Variants in RPH3A observed in about 807,000 individuals in gnomAD.
RPH3A encodes rabphilin-3A.
RPH3A carries 48 observed loss-of-function variants against 102.2 expected under a neutral mutation model. That is an observed-to-expected ratio of 0.47 (90% CI 0.37 to 0.60). The LOEUF (loss-of-function observed/expected upper bound fraction) is 0.60, where lower values mean the gene tolerates loss of function less well. Ranked by LOEUF, RPH3A falls within the 20% of genes least tolerant of loss-of-function variation. The pLI is 0.00. For synonymous variants in RPH3A, 310 were observed against 324.3 expected (o/e 0.96, Z 0.47); for missense variants, 781 against 910.1 (o/e 0.86, Z 1.83).
chr12:112,730,196 T>A (rs377316074), intron 1 of RPH3A, among the ~76,000 whole-genome samples: 21 of 152,316 alleles, frequency 1.4e-4, no homozygotes, highest in African/African-American at 5.1e-4. Context: ...AGCTTCCGAC[T>A]GTGAGACAGT....
rs748210594 is a variant in RPH3A at position 112,875,112 on chromosome 12, C to T, written c.825C>T (p.Ala275=). 32 of 1,610,290 alleles carry T rather than the reference C, an allele frequency of 2.0e-5. No homozygotes were observed. In the East Asian group the frequency reaches 2.5e-4, roughly 12 times the overall value. The change falls in exon 11 of 22, where the codon GCC becomes GCT. Residue 275 remains alanine, a synonymous_variant. Transcript: ENST00000389385. ...AGLRRANSVQ[A]SRPAPGSVQS... ...TGAGACGGGCCAACTCAGTCCAGGC[C>T]TCCAGACCTGCCCCAGGCTCGGTGC...
Position 112,885,659 on chromosome 12 carries a change from A to G in RPH3A, c.1437-2138A>G, listed in dbSNP as rs1593128412. Among the ~76,000 whole-genome samples the G allele has an allele frequency of 2.0e-5, 3 of 152,350 alleles. No homozygotes were observed. The South Asian group carries it at 6.2e-4, about 32-fold the overall frequency. ...CATGAGGTATATAGGATAATTTGAT[A>G]CAGGTATACAGTGTGTAATAATCGC... On this transcript the variant is annotated intron_variant, in intron 16 of 21. Transcript: ENST00000389385.
chr12:112,841,290 A>G (rs941964694), intron 4 of RPH3A, among the ~76,000 whole-genome samples: 8 of 151,590 alleles, frequency 5.3e-5, no homozygotes, highest in Admixed American at 5.3e-4. Context: ...AGAGCCACGG[A>G]TAGTTAAGAT....
intron 1 of RPH3A, among the ~76,000 whole-genome samples, chr12:112,620,048 C>A (rs2039711446): frequency 6.6e-6 from 1 of 152,212 alleles, no homozygotes; most frequent in Non-Finnish European, 1.5e-5. Context: ...TTCTTCACCT[C>A]CAGACTTTGC....
chr12:112,826,935 G>C (rs1373730043), intron 2 of RPH3A, among the ~76,000 whole-genome samples: 2 of 151,946 alleles, frequency 1.3e-5, no homozygotes, highest in African/African-American at 4.8e-5. Flanking sequence ...CTTTTTTCTT[G>C]GGTGTATACC....
Position 112,862,701 on chromosome 12 carries a change from G to A in RPH3A, c.231-2713G>A, listed in dbSNP as rs187155627. On this transcript the variant is annotated intron_variant, in intron 5 of 21. Coordinates refer to ENST00000389385, the MANE Select transcript of RPH3A (RefSeq NM_001143854.2). ...TCTGTGCAATCTGGGTCACAGCGGA[G>A]GCTCCAGAGCCTGCAGGCTGCCTTT... is the stretch of plus-strand genomic sequence containing the variant. 3.9e-5 allele frequency among the ~76,000 whole-genome samples: 6 copies of A among 152,316 alleles called. No homozygotes were observed. The East Asian group carries it at 1.2e-3, about 29-fold the overall frequency.
At chr12:112,782,576 G>A (rs2041017324) in intron 1 of RPH3A, among the ~76,000 whole-genome samples, 1 of 152,230 alleles carries the variant, frequency 6.6e-6, no homozygotes, top group African/African-American at 2.4e-5. Flanking sequence ...GTGAATAGAT[G>A]AGTGACTGAC....
Position 112,738,041 on chromosome 12 carries a change from C to T in RPH3A, c.-139-54102C>T, listed in dbSNP as rs1299373547. Among the ~76,000 whole-genome samples the T allele has an allele frequency of 1.2e-4, 19 of 152,162 alleles. 1 individual carries two copies. The highest frequency in any genetic ancestry group is 1.2e-3 in the Admixed American group (18 of 15,278). On this transcript the variant is annotated intron_variant, in intron 1 of 21. Coordinates refer to the RPH3A transcript ENST00000543106. ...CTCTGAGACTTTGGAGAAGTCCTTC[C>T]TGGTTTCTTTCAGCTTCTTTTGGTT...
chr12:112,752,131 A>G (rs1186921881), intron 1 of RPH3A, among the ~76,000 whole-genome samples: 1 of 152,122 alleles, frequency 6.6e-6, no homozygotes, highest in Non-Finnish European at 1.5e-5. Flanking sequence ...AGCACATATG[A>G]CCTTTGTAAT....
chr12:112,860,341 C>T lies in RPH3A; in HGVS notation c.231-5073C>T, dbSNP rs2042486012. ...TTAAATTCATGGATAATGAGGGTCC[C>T]TGAGCTGAGACATCTGAGTAATGAT... On this transcript the variant is annotated intron_variant, in intron 5 of 21. Coordinates refer to ENST00000389385, the MANE Select transcript of RPH3A (RefSeq NM_001143854.2). Among the ~76,000 whole-genome samples, 2 of 152,196 alleles carry T rather than the reference C, an allele frequency of 1.3e-5. 1 individual carries two copies. Among genetic ancestry groups the T allele is most frequent in the South Asian group, 4.1e-4 (2 of 4,830 alleles).
intron 1 of RPH3A, among the ~76,000 whole-genome samples, chr12:112,596,535 T>G (rs1260235286): frequency 6.6e-6 from 1 of 152,204 alleles, no homozygotes; most frequent in Non-Finnish European, 1.5e-5. Flanking sequence ...ATCGGGTGAC[T>G]GGATGTGTGT....
chr12:112,735,380 A>G (rs114503390), intron 1 of RPH3A, among the ~76,000 whole-genome samples: 2,187 of 152,264 alleles, frequency 0.014, 60 homozygotes, highest in African/African-American at 0.05. Context: ...TAGAAACTTA[A>G]TTTTGAGTGT....
intron 15 of RPH3A, 97 bp downstream of exon 15, chr12:112,881,943 C>G (rs2042921953): frequency 1.2e-6 from 1 of 846,924 alleles, no homozygotes; most frequent in Non-Finnish European, 1.9e-6. Context: ...CTTATCTGCC[C>G]CAAATCCCCA....
rs148950680 is a variant in RPH3A, at chr12:112,860,783, A to G, written c.231-4631A>G. ...CTCTCTCTGTGTTCTGAGACCCCCA[A>G]TGGTAGAGTGAGAAGAACACAATCT... On this transcript the variant is annotated intron_variant, in intron 5 of 21. Coordinates refer to ENST00000389385, the MANE Select transcript of RPH3A (RefSeq NM_001143854.2). Among the ~76,000 whole-genome samples, 270 of 152,264 alleles carry G rather than the reference A, an allele frequency of 1.8e-3. No individual in the cohort carries two copies. The East Asian group carries it at 0.019, about 11-fold the overall frequency.
chr12:112,881,813 C>T lies in RPH3A; in HGVS notation c.1293C>T (p.Tyr431=), dbSNP rs757630552. 27 of 1,612,440 alleles carry T rather than the reference C, an allele frequency of 1.7e-5. No homozygotes were observed. Among genetic ancestry groups the T allele is most frequent in the East Asian group, 4.5e-5 (2 of 44,782 alleles). ...PMDSNGLADP[Y]VKLHLLPGAS... ...ATTCAAACGGCTTGGCTGATCCCTA[C>T]GTTAAGCTGCACCTCCTGCCGGGAG... The change falls in exon 15 of 22, where the codon TAC becomes TAT. Residue 431 remains tyrosine (Y), a synonymous_variant. Transcript: ENST00000389385.
chr12:112,845,586 A>G (rs533092240), intron 4 of RPH3A, among the ~76,000 whole-genome samples: 5 of 152,308 alleles, frequency 3.3e-5, no homozygotes, highest in African/African-American at 1.2e-4. Context: ...CCCAATCTCT[A>G]GGCTGAGTAA....
At chr12:112,694,333 G>A (rs1211633651) in intron 1 of RPH3A, among the ~76,000 whole-genome samples, 5 of 152,156 alleles carry the variant, frequency 3.3e-5, no homozygotes, top group African/African-American at 7.2e-5. Context: ...TTATGCACAC[G>A]AGGGGCAGTG....
rs539665378 is a variant in RPH3A, at chr12:112,643,806, C to T, written c.-140+68487C>T. On this transcript the variant is annotated intron_variant, in intron 1 of 21. Coordinates refer to the RPH3A transcript ENST00000543106. The stretch of plus-strand genomic sequence containing the variant: ...GAACTAATATTTGATCCAGCAATCC[C>T]ACTAATGGGTTTCAACCCAAAGGAA... Among the ~76,000 whole-genome samples the T allele has an allele frequency of 2.0e-5, 3 of 152,342 alleles. No homozygotes were observed. In the East Asian group the frequency reaches 5.8e-4, roughly 29 times the overall value.
chr12:112,797,500 T>A (rs565511878), intron 2 of RPH3A, among the ~76,000 whole-genome samples: 2 of 152,044 alleles, frequency 1.3e-5, no homozygotes, highest in South Asian at 4.2e-4. Flanking sequence ...CCCACAGGAG[T>A]GTGACCTGGA....
Sources: allele counts gnomAD v4.1 joint callset (sites outside exome capture counted in the v4.1 genomes callset), GRCh38; gene constraint gnomAD v4.1.1; transcripts MANE v1.5; gene names NCBI Gene and HGNC (gene_info 2026-07-23, HGNC 2026-07-21).